NPNT: variants seen among roughly 807,000 people sequenced by gnomAD.
NPNT encodes the protein nephronectin, also known as preosteoblast EGF-like repeat protein with MAM domain.
Under a neutral mutation model 68.6 loss-of-function variants are expected in NPNT, and 45 were observed. That is an observed-to-expected ratio of 0.66 (90% CI 0.52 to 0.84). The LOEUF is 0.84. Ranked by LOEUF, NPNT falls within the 40% of genes least tolerant of loss-of-function variation. The pLI, the probability that NPNT is intolerant of heterozygous loss-of-function variation, is 0.00. For synonymous variants in NPNT, 233 were observed against 253.3 expected (o/e 0.92, Z 0.76); for missense variants, 672 against 714.8 (o/e 0.94, Z 0.68).
At chr4:105,940,043 C>G in intron 5 of NPNT, 32 bp from the exon 6 acceptor site, 1 of 1,604,102 alleles carries the variant, frequency 6.2e-7, no homozygotes, top group Non-Finnish European at 8.5e-7. Context: ...TACCCTTGCT[C>G]TTCCTAAAAT....
At chr4:105,947,940 C>G (rs182650485) in intron 8 of NPNT, among the ~76,000 whole-genome samples, 1 of 152,110 alleles carries the variant, frequency 6.6e-6, no homozygotes, top group Admixed American at 6.5e-5. Flanking sequence ...ATGTTTTTTC[C>G]TCAAATGGCC....
In NPNT at chr4:105,940,101, G is replaced by A. The variant is rs1729811701; in HGVS notation, c.532G>A (p.Ala178Thr). 6.2e-7 allele frequency: 1 copy of A among 1,613,062 alleles called. No homozygotes were observed. The highest frequency in any genetic ancestry group is 1.3e-5 in the African/African-American group (1 of 74,898). Reference protein sequence around the residue: ...VDVDECATGRASCPRFRQCVN... With the variant: ...VDVDECATGRTSCPRFRQCVN... ...TGTTGATGAATGTGCTACAGGAAGA[G>A]CCTCCTGCCCTAGATTTAGGCAATG... The change falls in exon 6 of 12, where the codon GCC (alanine) becomes ACC (threonine). Residue 178 changes from alanine (A) to threonine (T), a missense_variant. Ala to Thr is a moderately conservative substitution (Grantham distance 58). Coordinates refer to ENST00000379987, the MANE Select transcript of NPNT (RefSeq NM_001033047.3).
chr4:105,958,633 A>G (rs907370790), intron 9 of NPNT, 76 bp downstream of exon 9: 2 of 846,942 alleles, frequency 2.4e-6, no homozygotes, highest in Non-Finnish European at 3.6e-6. Flanking sequence ...TTAAATGTAG[A>G]TCGTTTGGAC....
intron 2 of NPNT, among the ~76,000 whole-genome samples, chr4:105,916,857 C>T (rs982134723): frequency 6.6e-6 from 1 of 152,018 alleles, no homozygotes; most frequent in Non-Finnish European, 1.5e-5. Flanking sequence ...GGTGTAAGAG[C>T]TAGTCATTTC....
intron 2 of NPNT, among the ~76,000 whole-genome samples, chr4:105,904,065 T>C (rs1176110785): frequency 6.6e-6 from 1 of 152,190 alleles, no homozygotes; most frequent in African/African-American, 2.4e-5. Flanking sequence ...ATTATAAGCG[T>C]GAGCCATCTT....
intron 2 of NPNT, chr4:105,911,561 TG>T (rs1235819001): frequency 2.6e-5 from 4 of 152,542 alleles, no homozygotes; most frequent in Non-Finnish European, 5.9e-5. Flanking sequence ...TTCATCAAAC[TG>T]GGTTATTTAT....
In NPNT at chr4:105,942,506, G is replaced by T; in HGVS notation, c.963G>T (p.Lys321Asn). The T allele has an allele frequency of 6.2e-7, 1 of 1,613,582 alleles. No homozygotes were observed. Among genetic ancestry groups the T allele is most frequent in the Non-Finnish European group, 8.5e-7 (1 of 1,179,896 alleles). ...AGCCAACAACAAGACCTACACCAAA[G>T]CCAACACCAATTCCTACTCCACCAC... is the stretch of plus-strand genomic sequence containing the variant. ...TSKPTTRPTP[K>N]PTPIPTPPPP... The change falls in exon 8 of 12, where the codon AAG becomes AAT. Residue 321 changes from lysine to asparagine, a missense_variant. By Grantham distance (94) the Lys-to-Asn change is moderately conservative (BLOSUM62 0). Coordinates refer to ENST00000379987, the MANE Select transcript of NPNT (RefSeq NM_001033047.3).
chr4:105,937,647 A>G (rs963320294), intron 4 of NPNT, among the ~76,000 whole-genome samples: 7 of 152,120 alleles, frequency 4.6e-5, no homozygotes, highest in Non-Finnish European at 8.8e-5. Context: ...ATTTCAAATA[A>G]AAAATAAATG....
chr4:105,895,496 C>A lies in NPNT; in HGVS notation c.-157C>A. On this transcript the variant is annotated 5_prime_UTR_variant, in exon 1 of 12. Transcript: ENST00000379987. ...GCGCAGCAGACCTGCTCCGGCCGCG[C>A]GCCTCGCCGCTGTCCTCCGGGAGCG... The A allele has an allele frequency of 1.6e-6, 1 of 614,150 alleles. No individual in the cohort carries two copies. 38.0% of individuals were successfully genotyped at this position (614,150 alleles called of 1,614,324 possible).
In NPNT at chr4:105,971,217, C is replaced by G. The variant is rs1202524203; in HGVS notation, c.*2227C>G. On this transcript the variant is annotated 3_prime_UTR_variant, in exon 12 of 12. Coordinates refer to ENST00000379987, the MANE Select transcript of NPNT (RefSeq NM_001033047.3). ...GCTGCTGAGAAAGAGTGCCCTGCCC[C>G]ACACCGGCAGACCTTTCCTTCACCT... 2 of 452,778 alleles carry G rather than the reference C, an allele frequency of 4.4e-6. No homozygotes were observed. Among genetic ancestry groups the G allele is most frequent in the Non-Finnish European group, 8.9e-6 (2 of 224,640 alleles). 28.0% of individuals were successfully genotyped at this position (452,778 alleles called of 1,614,324 possible). A position where few individuals can be genotyped will look rare whatever the true frequency, so the allele number is the denominator to read the frequency against.
rs1232435193 is a variant in NPNT at position 105,913,025 on chromosome 4, GC to G, written c.173-14308del. Among the ~76,000 whole-genome samples the G allele has an allele frequency of 6.6e-5, 10 of 152,152 alleles. No homozygotes were observed. The East Asian group carries it at 1.9e-3, about 29-fold the overall frequency. The stretch of plus-strand genomic sequence containing the variant: ...TGGGATTACAGGCGCCCACCACAAT[GC>G]CCGGCTAATTTTTTATTTTTAGTAG... On this transcript the variant is annotated intron_variant, in intron 2 of 11. Transcript: ENST00000379987.
chr4:105,942,113 G>C (rs28407297), intron 7 of NPNT, among the ~76,000 whole-genome samples, 194 bp from the exon 8 acceptor site: 82 of 47,006 alleles, frequency 1.7e-3, no homozygotes, highest in African/African-American at 4.6e-3. Context: ...GTCTGTGTGT[G>C]TGTATATATA....
chr4:105,910,923 G>T (rs1727312470), intron 2 of NPNT, among the ~76,000 whole-genome samples: 1 of 151,984 alleles, frequency 6.6e-6, no homozygotes, highest in African/African-American at 2.4e-5. Context: ...TTATTAAGTT[G>T]TTTTACCTTT....
At chr4:105,944,326 TTA>T (rs1730212104) in intron 8 of NPNT, among the ~76,000 whole-genome samples, 1 of 152,186 alleles carries the variant, frequency 6.6e-6, no homozygotes, top group African/African-American at 2.4e-5. Flanking sequence ...GATTTTTAAT[TTA>T]TGAGTGCTTA....
intron 2 of NPNT, among the ~76,000 whole-genome samples, chr4:105,904,389 G>C (rs1385432333): frequency 2.6e-5 from 4 of 152,144 alleles, no homozygotes; most frequent in South Asian, 4.1e-4. Context: ...TGACCCAAAG[G>C]CTCCAACAAT....
Position 105,958,572 on chromosome 4 carries a change from C to A in NPNT, c.1246+15C>A. The A allele has an allele frequency of 2.2e-6, 3 of 1,361,098 alleles. No individual in the cohort carries two copies. The highest frequency in any genetic ancestry group is 2.1e-6 in the Non-Finnish European group (2 of 963,220). 84.3% of individuals were successfully genotyped at this position (1,361,098 alleles called of 1,614,324 possible). A position where few individuals can be genotyped will look rare whatever the true frequency, so the allele number is the denominator to read the frequency against. ...GGATGATCCAGGTGACACTTACACT[C>A]TTAGTGCCATCATAATGACATTTTA... On this transcript the variant is annotated intron_variant, in intron 9 of 11. Coordinates refer to ENST00000379987, the MANE Select transcript of NPNT (RefSeq NM_001033047.3).
At chr4:105,932,640 C>T in intron 3 of NPNT, 4 of 1,535,904 alleles carry the variant, frequency 2.6e-6, no homozygotes, top group Non-Finnish European at 3.5e-6. Flanking sequence ...TCCTCTTGAC[C>T]AAGGCAGTGA....
intron 2 of NPNT, among the ~76,000 whole-genome samples, chr4:105,898,294 CTCTCTCTCTCTCTCTCTG>C (rs756603688): frequency 0.073 from 10,814 of 147,620 alleles, 845 homozygotes; most frequent in African/African-American, 0.18. Context: ...GTTTATTTCT[CTCTCTCTCTCTCTCTCTG>C]TCTCTCTCTC....
chr4:105,910,409 A>G lies in NPNT; in HGVS notation c.172+12408A>G, dbSNP rs372267961. On this transcript the variant is annotated intron_variant, in intron 2 of 11. Transcript: ENST00000379987. ...GCCATTTTATGATGGCCATAGAGCAACAGATTATCAAGAGAAAATGAGACA... is the reference window on the plus strand; with the variant it reads ...GCCATTTTATGATGGCCATAGAGCAGCAGATTATCAAGAGAAAATGAGACA... 4.5e-4 allele frequency among the ~76,000 whole-genome samples: 68 copies of G among 152,296 alleles called. No homozygotes were observed. In the East Asian group the frequency reaches 0.013, roughly 28 times the overall value.
Sources: gnomAD v4.1 joint callset for allele counts (sites outside exome capture counted in the v4.1 genomes callset) on GRCh38, gnomAD v4.1.1 for gene constraint, MANE v1.5 for transcripts, NCBI Gene and HGNC (gene_info 2026-07-23, HGNC 2026-07-21) for gene names.